ENO1: variants seen among roughly 807,000 people sequenced by gnomAD.
ENO1 encodes the protein alpha-enolase.
Under a neutral mutation model 46.3 loss-of-function variants are expected in ENO1, and 33 were observed. The observed-to-expected ratio is 0.71, with a 90% CI of 0.54 to 0.95. The LOEUF is 0.95. Among genes scored for constraint, ENO1 ranks in the 40% least tolerant of loss-of-function variants. The pLI is 0.00. For missense variants in ENO1, 488 were observed against 553.3 expected (o/e 0.88, Z 1.18); for synonymous variants, 220 against 216.0 (o/e 1.02, Z -0.16).
At chr1:8,874,216 T>C (rs1642689634) in intron 2 of ENO1, among the ~76,000 whole-genome samples, 1 of 152,196 alleles carries the variant, frequency 6.6e-6, no homozygotes, top group Non-Finnish European at 1.5e-5. Flanking sequence ...GACAAGGTCT[T>C]GTGGTATCAC....
Position 8,861,049 on chromosome 1 carries a change from G to C in ENO1, c.*311C>G, listed in dbSNP as rs1642390339. ...TTTATTTTGAGCACAAAACCACCGG[G>C]GATCTAGCCTGTGGCCACCCCGGAG... On this transcript the variant is annotated 3_prime_UTR_variant, in exon 12 of 12. Transcript: ENST00000234590. 1 of 305,236 alleles carries C rather than the reference G, an allele frequency of 3.3e-6. No individual in the cohort carries two copies. Among genetic ancestry groups the C allele is most frequent in the East Asian group, 6.1e-5 (1 of 16,434 alleles). The allele number at this position is 305,236 out of a possible 1,614,324, so 18.9% of individuals were successfully genotyped here. A position where few individuals can be genotyped will look rare whatever the true frequency, so the allele number is the denominator to read the frequency against.
At chr1:8,867,790 A>G (rs571806931) in intron 5 of ENO1, among the ~76,000 whole-genome samples, 198 bp downstream of exon 5, 32 of 152,256 alleles carry the variant, frequency 2.1e-4, no homozygotes, top group Admixed American at 4.6e-4. Context: ...TCAGCCTCCT[A>G]AAGTGTTGGG....
intron 1 of ENO1, among the ~76,000 whole-genome samples, chr1:8,877,249 G>A (rs1319707079): frequency 6.6e-6 from 1 of 151,982 alleles, no homozygotes; most frequent in Non-Finnish European, 1.5e-5. Flanking sequence ...ACCGCGCCTG[G>A]TCGATTTTTG....
At chr1:8,868,617 A>G (rs1642570982) in intron 4 of ENO1, among the ~76,000 whole-genome samples, 1 of 152,256 alleles carries the variant, frequency 6.6e-6, no homozygotes, top group African/African-American at 2.4e-5. Flanking sequence ...GAGACTATAA[A>G]GTAACAAAAC....
intron 6 of ENO1, among the ~76,000 whole-genome samples, 199 bp downstream of exon 6, chr1:8,866,918 C>T (rs1198459398): frequency 6.6e-6 from 1 of 152,188 alleles, no homozygotes; most frequent in African/African-American, 2.4e-5. Context: ...GTCATTTCCT[C>T]CCCGAGCCTC....
intron 3 of ENO1, chr1:8,871,175 A>G: frequency 3.7e-6 from 4 of 1,093,568 alleles, no homozygotes; most frequent in Non-Finnish European, 4.4e-6. Context: ...CTGAACACCC[A>G]GCACCACCAC....
Position 8,862,950 on chromosome 1 carries a change from G to A in ENO1, c.1177-5C>T, listed in dbSNP as rs1481647509. 11 of 1,613,906 alleles carry A rather than the reference G, an allele frequency of 6.8e-6. No individual in the cohort carries two copies. Among genetic ancestry groups the A allele is most frequent in the African/African-American group, 1.3e-5 (1 of 74,928 alleles). On this transcript the variant is annotated splice_polypyrimidine_tract_variant and splice_region_variant and intron_variant, in intron 10 of 11. Coordinates refer to ENST00000234590, the MANE Select transcript of ENO1 (RefSeq NM_001428.5). ...GCAAGGGGCACCAGTCTTGATCTAG[G>A]AGAAAAGAAAGGCCATTTGCTTACA...
In ENO1 at chr1:8,874,235, C is replaced by A. The variant is rs186279288; in HGVS notation, c.85+589G>T. ...AGGTCTTGTGGTATCACCTTACTTC[C>A]TTACTTCACTGACTTAGGAGCCAAC... On this transcript the variant is annotated intron_variant, in intron 2 of 11. Coordinates refer to ENST00000234590, the MANE Select transcript of ENO1 (RefSeq NM_001428.5). Among the ~76,000 whole-genome samples the A allele has an allele frequency of 2.4e-3, 368 of 152,258 alleles. 1 individual carries two copies. Among genetic ancestry groups the A allele is most frequent in the African/African-American group, 8.4e-3 (351 of 41,542 alleles).
chr1:8,867,810 G>T (rs560732352), intron 5 of ENO1, among the ~76,000 whole-genome samples, 178 bp downstream of exon 5: 2 of 152,152 alleles, frequency 1.3e-5, no homozygotes, highest in African/African-American at 2.4e-5. Context: ...GATTACAGGC[G>T]TGAGCCACCG....
rs1243975743 is a variant in ENO1, at chr1:8,866,378, G to A, written c.568C>T (p.His190Tyr). 2 of 1,614,194 alleles carry A rather than the reference G, an allele frequency of 1.2e-6. No homozygotes were observed. Among genetic ancestry groups the A allele is most frequent in the South Asian group, 2.2e-5 (2 of 91,082 alleles). The change falls in exon 7 of 12, where the codon CAC (histidine) becomes TAC (tyrosine). Residue 190 changes from histidine (H) to tyrosine (Y), a missense_variant. By Grantham distance (83) the His-to-Tyr change is moderately conservative. Transcript: ENST00000234590. ...EAMRIGAEVY[H>Y]NLKNVIKEKY... ...TCCTTGATGACATTCTTCAGGTTGT[G>A]GTAAACCTCTGCTCCAATGCGCATG...
intron 2 of ENO1, among the ~76,000 whole-genome samples, chr1:8,874,146 G>A (rs1049918433): frequency 7.9e-5 from 12 of 152,236 alleles, no homozygotes; most frequent in South Asian, 6.2e-4. Context: ...CTATCACACT[G>A]TATCCTGCAT....
Position 8,861,343 on chromosome 1 carries a change from G to A in ENO1, c.*17C>T, listed in dbSNP as rs1065725. On this transcript the variant is annotated 3_prime_UTR_variant, in exon 12 of 12. Coordinates refer to ENST00000234590, the MANE Select transcript of ENO1 (RefSeq NM_001428.5). ...TGTGTAGCCAACAGGTGACCGAAGG[G>A]CTTGCCTGCCCACAGCTTACTTGGC... 7 of 1,613,354 alleles carry A rather than the reference G, an allele frequency of 4.3e-6. No individual in the cohort carries two copies. The South Asian group carries it at 7.7e-5, about 18-fold the overall frequency.
intron 5 of ENO1, 65 bp downstream of exon 5, chr1:8,867,923 G>T: frequency 7.0e-7 from 1 of 1,419,134 alleles, no homozygotes; most frequent in Non-Finnish European, 9.9e-7. Flanking sequence ...CTTCCTGAAA[G>T]GTTTTAAAAT....
At chr1:8,861,494 T>G in intron 11 of ENO1, 65 bp from the exon 12 acceptor site, 6 of 1,571,142 alleles carry the variant, frequency 3.8e-6, no homozygotes, top group Non-Finnish European at 4.4e-6. Context: ...AAGTTTTAAG[T>G]TTTCCCATCC....
At chr1:8,876,003 TCAAGGGAAGGGG>T (rs1642724594) in intron 1 of ENO1, 1 of 152,032 alleles carries the variant, frequency 6.6e-6, no homozygotes, top group Admixed American at 6.5e-5. Context: ...CCAGGATACT[TCAAGGGAAGGGG>T]CTTCCTTTAA....
intron 2 of ENO1, among the ~76,000 whole-genome samples, 180 bp from the exon 3 acceptor site, chr1:8,872,166 C>T (rs1642646907): frequency 6.6e-6 from 1 of 152,216 alleles, no homozygotes; most frequent in South Asian, 2.1e-4. Flanking sequence ...TGATCCTGTA[C>T]TGCAGAACTT....
intron 2 of ENO1, chr1:8,873,641 A>C (rs1642676530): frequency 6.6e-6 from 1 of 152,184 alleles, no homozygotes; most frequent in Non-Finnish European, 1.5e-5. Flanking sequence ...GAGAGCCCAC[A>C]CAGCAAGCAG....
chr1:8,864,583 C>T (rs920365045), intron 8 of ENO1, among the ~76,000 whole-genome samples: 10 of 152,144 alleles, frequency 6.6e-5, no homozygotes, highest in Non-Finnish European at 1.3e-4. Context: ...GGATTCCAGG[C>T]GTGAGCCACC....
At chr1:8,863,627 A>G (rs924400660) in intron 9 of ENO1, among the ~76,000 whole-genome samples, 1 of 152,196 alleles carries the variant, frequency 6.6e-6, no homozygotes, top group African/African-American at 2.4e-5. Flanking sequence ...TCTTCACAGA[A>G]TACAACTACT....
Sources: allele counts gnomAD v4.1 joint callset (sites outside exome capture counted in the v4.1 genomes callset), GRCh38; gene constraint gnomAD v4.1.1; transcripts MANE v1.5; gene names NCBI Gene and HGNC (gene_info 2026-07-23, HGNC 2026-07-21).